The following BEND7 variants were observed in gnomAD, a reference collection of about 807,000 sequenced individuals.
The protein encoded by BEND7 is BEN domain containing 7.
In BEND7, 28 loss-of-function variants were observed where a neutral mutation model predicts 50.9. The observed-to-expected ratio is 0.55, with a 90% confidence interval of 0.41 to 0.75. The LOEUF is 0.75. Ranked by LOEUF, BEND7 falls within the 30% of genes least tolerant of loss-of-function variation. The pLI, the probability that BEND7 is intolerant of heterozygous loss-of-function variation, is 0.00. For missense variants in BEND7, 477 were observed against 491.3 expected, an observed-to-expected ratio of 0.97 and a Z score of 0.28; for synonymous variants, 170 against 183.9, an observed-to-expected ratio of 0.92 and a Z score of 0.61.
chr10:13,526,075 T>G lies in BEND7; in HGVS notation c.145+63A>C, dbSNP rs542685207. On this transcript the variant is annotated intron_variant, in intron 2 of 8. Transcript: ENST00000466271. ...TTCCCGTTCCTGAACAATTTCCTTTTTTCCCCCTAATTGCAAATGGTCACG... is the reference window on the plus strand; with the variant it reads ...TTCCCGTTCCTGAACAATTTCCTTTGTTCCCCCTAATTGCAAATGGTCACG... 3 of 881,796 alleles carry G rather than the reference T, an allele frequency of 3.4e-6. No homozygotes were observed. In the Admixed American group the frequency reaches 8.4e-5, roughly 25 times the overall value. 54.6% of individuals were successfully genotyped at this position (881,796 alleles called of 1,614,324 possible). A position where few individuals can be genotyped will look rare whatever the true frequency, so the allele number is the denominator to read the frequency against.
chr10:13,488,867 GCTA>G (rs763214406), intron 5 of BEND7, among the ~76,000 whole-genome samples: 15 of 152,260 alleles, frequency 9.9e-5, no homozygotes, highest in Admixed American at 2.0e-4. Context: ...TATTTAATGT[GCTA>G]CTTTTAAAAG....
chr10:13,465,705 C>CA, intron 6 of BEND7, among the ~76,000 whole-genome samples: 1 of 150,474 alleles, frequency 6.6e-6, no homozygotes, highest in South Asian at 2.1e-4. Context: ...TCAAGCCACA[C>CA]TTTTTTTTTT....
intron 2 of BEND7, among the ~76,000 whole-genome samples, chr10:13,508,430 G>A (rs1391330494): frequency 6.6e-6 from 1 of 152,202 alleles, no homozygotes; most frequent in Non-Finnish European, 1.5e-5. Context: ...AGCCGCCCTT[G>A]GAAGATGCTC....
intron 2 of BEND7, among the ~76,000 whole-genome samples, chr10:13,513,334 G>A (rs943460689): frequency 1.3e-5 from 2 of 152,088 alleles, no homozygotes; most frequent in South Asian, 4.1e-4. Context: ...CTGACTACCT[G>A]CACAAGAGGA....
At chr10:13,455,326 A>G (rs1037382871) in intron 6 of BEND7, among the ~76,000 whole-genome samples, 4 of 151,960 alleles carry the variant, frequency 2.6e-5, no homozygotes, top group Admixed American at 2.6e-4. Flanking sequence ...GAGCACATGA[A>G]GGGGCCCAAG....
chr10:13,526,149 GGCT>G lies in BEND7; in HGVS notation c.131_133del (p.Gln44del). The G allele has an allele frequency of 7.8e-7, 1 of 1,287,672 alleles. No individual in the cohort carries two copies. The highest frequency in any genetic ancestry group is 1.2e-5 in the South Asian group (1 of 80,786). 79.8% of individuals were successfully genotyped at this position (1,287,672 alleles called of 1,614,324 possible). On this transcript the variant is annotated inframe_deletion, in exon 2 of 9. Coordinates refer to ENST00000466271, the MANE Select transcript of BEND7 (RefSeq NM_001369863.1). ...ACATAGGAACCTACCTAAAAAAATG[GGCT>G]GTGTCTCTTTGGCCTCCCCATTAAC...
At chr10:13,452,061 ACCCGTGCATGGACGTGTGAGCACACACAC>A (rs1837870657) in intron 7 of BEND7, among the ~76,000 whole-genome samples, 1 of 152,090 alleles carries the variant, frequency 6.6e-6, no homozygotes, top group East Asian at 1.9e-4. Flanking sequence ...CACACACACA[ACCCGTGCATGGACGTGTGAGCACACACAC>A]CCATCCCCCA....
At position 13,526,076 on chromosome 10, in the gene BEND7, T is replaced by C. The variant is rs1238197413; in HGVS notation, c.145+62A>G. 1.3e-5 allele frequency: 11 copies of C among 878,254 alleles called. No individual in the cohort carries two copies. The East Asian group carries it at 5.2e-4, about 42-fold the overall frequency. The allele number at this position is 878,254 out of a possible 1,614,324, so 54.4% of individuals were successfully genotyped here. ...TCCCGTTCCTGAACAATTTCCTTTTTTCCCCCTAATTGCAAATGGTCACGA... is the reference window on the plus strand; with the variant it reads ...TCCCGTTCCTGAACAATTTCCTTTTCTCCCCCTAATTGCAAATGGTCACGA... On this transcript the variant is annotated intron_variant, in intron 2 of 8. Coordinates refer to ENST00000466271, the MANE Select transcript of BEND7 (RefSeq NM_001369863.1).
chr10:13,483,712 G>A (rs2076027437), intron 5 of BEND7, among the ~76,000 whole-genome samples: 1 of 152,180 alleles, frequency 6.6e-6, no homozygotes, highest in South Asian at 2.1e-4. Context: ...GGCTGGTTCT[G>A]CAGGCAAGAC....
intron 2 of BEND7, among the ~76,000 whole-genome samples, chr10:13,509,538 G>T (rs1016475751): frequency 1.3e-5 from 2 of 152,164 alleles, no homozygotes; most frequent in African/African-American, 2.4e-5. Context: ...CTGAGGGAAC[G>T]CATGATCAAT....
chr10:13,496,580 A>G (rs1207399356), intron 4 of BEND7, among the ~76,000 whole-genome samples, 186 bp downstream of exon 4: 4 of 152,236 alleles, frequency 2.6e-5, no homozygotes, highest in African/African-American at 7.2e-5. Context: ...GCAAGACAAA[A>G]TATGTTTGAT....
chr10:13,499,272 T>C lies in BEND7; in HGVS notation c.448+506A>G, dbSNP rs147024075. 3.2e-3 allele frequency among the ~76,000 whole-genome samples: 488 copies of C among 152,320 alleles called. 2 individuals carry two copies. The highest frequency in any genetic ancestry group is 0.011 in the African/African-American group (459 of 41,562). On this transcript the variant is annotated intron_variant, in intron 3 of 8. Transcript: ENST00000466271. ...ATTGCTAATGAAGCATGTTACAAAA[T>C]ATGGATCACTGGGTTCAGTACTGAC... is the stretch of plus-strand genomic sequence containing the variant.
intron 4 of BEND7, 61 bp from the exon 5 acceptor site, chr10:13,492,937 TC>T: frequency 1.3e-6 from 2 of 1,549,344 alleles, no homozygotes; most frequent in African/African-American, 2.8e-5. Context: ...AAAACTTATC[TC>T]CGGTCTATCC....
At chr10:13,473,606 G>C (rs1260848252) in intron 6 of BEND7, among the ~76,000 whole-genome samples, 1 of 136,294 alleles carries the variant, frequency 7.3e-6, no homozygotes, top group Non-Finnish European at 1.5e-5. Flanking sequence ...GCCAATACCT[G>C]TCATCGCTGT....
chr10:13,503,485 G>A (rs1237347036), intron 2 of BEND7, among the ~76,000 whole-genome samples: 1 of 152,164 alleles, frequency 6.6e-6, no homozygotes, highest in African/African-American at 2.4e-5. Flanking sequence ...GGCTGACGTG[G>A]GTGGATCACC....
chr10:13,468,670 A>G (rs1434127559), intron 6 of BEND7, among the ~76,000 whole-genome samples: 1 of 152,202 alleles, frequency 6.6e-6, no homozygotes, highest in Admixed American at 6.5e-5. Context: ...GGACAGAGTG[A>G]TGCACAGCTG....
At chr10:13,468,855 G>GT (rs564669020) in intron 6 of BEND7, among the ~76,000 whole-genome samples, 89 of 152,348 alleles carry the variant, frequency 5.8e-4, no homozygotes, top group African/African-American at 2.1e-3. Context: ...AAATAATGTA[G>GT]TTGCAAGGGG....
chr10:13,453,254 A>AGGC (rs71386196), intron 6 of BEND7, among the ~76,000 whole-genome samples: 17,332 of 152,180 alleles, frequency 0.11, 1,066 homozygotes, highest in African/African-American at 0.17. Flanking sequence ...GACACAAGGC[A>AGGC]GGCGGGACAA....
chr10:13,509,524 A>G (rs1305781920), intron 2 of BEND7, among the ~76,000 whole-genome samples: 1 of 152,200 alleles, frequency 6.6e-6, no homozygotes, highest in Non-Finnish European at 1.5e-5. Context: ...CTGAACAGAC[A>G]AAACTGAGGG....
Sources: gnomAD v4.1 joint callset for allele counts (sites outside exome capture counted in the v4.1 genomes callset) on GRCh38, gnomAD v4.1.1 for gene constraint, MANE v1.5 for transcripts, NCBI Gene and HGNC (gene_info 2026-07-23, HGNC 2026-07-21) for gene names.